Variants in LMX1A observed in about 807,000 individuals in gnomAD.
The protein encoded by LMX1A is LIM homeobox transcription factor 1 alpha.
In LMX1A, 15 loss-of-function variants were observed where a neutral mutation model predicts 49.1. That is an observed-to-expected ratio of 0.31 (90% CI 0.20 to 0.47). The LOEUF is 0.47. Ranked by LOEUF, LMX1A falls within the 20% of genes least tolerant of loss-of-function variation. The probability of loss-of-function intolerance (pLI) is 1.00; values close to 1 mark genes in which losing one functional copy is unlikely to be tolerated. For synonymous variants in LMX1A, 167 were observed against 185.7 expected, an observed-to-expected ratio of 0.90 and a Z score of 0.82; for missense variants, 372 against 475.8, an observed-to-expected ratio of 0.78 and a Z score of 2.03.
At chr1:165,215,692 T>C (rs1213627691) in intron 4 of LMX1A, among the ~76,000 whole-genome samples, 1 of 152,192 alleles carries the variant, frequency 6.6e-6, no homozygotes, top group Non-Finnish European at 1.5e-5. Flanking sequence ...CATTTGAACA[T>C]ACAAGGTTGA....
At chr1:165,340,994 G>T (rs567482808) in intron 3 of LMX1A, among the ~76,000 whole-genome samples, 2 of 152,200 alleles carry the variant, frequency 1.3e-5, no homozygotes, top group East Asian at 3.9e-4. Flanking sequence ...CTAGACTATA[G>T]CAACAACTAT....
chr1:165,214,140 A>T (rs927248105), intron 4 of LMX1A, among the ~76,000 whole-genome samples: 1 of 152,162 alleles, frequency 6.6e-6, no homozygotes, highest in Non-Finnish European at 1.5e-5. Context: ...CCACGTGTTG[A>T]TGGAGGGACA....
intron 3 of LMX1A, among the ~76,000 whole-genome samples, chr1:165,339,511 G>C (rs1184887299): frequency 1.3e-5 from 2 of 152,196 alleles, no homozygotes; most frequent in Non-Finnish European, 2.9e-5. Flanking sequence ...GGTGAGCTTC[G>C]CATTGAGATG....
chr1:165,311,486 C>T (rs193112050), intron 3 of LMX1A, among the ~76,000 whole-genome samples: 4 of 152,300 alleles, frequency 2.6e-5, no homozygotes, highest in East Asian at 1.9e-4. Context: ...CTGCAGCTGT[C>T]GGCTGTGGAG....
chr1:165,313,035 T>C (rs1025776328), intron 3 of LMX1A, among the ~76,000 whole-genome samples: 2 of 152,164 alleles, frequency 1.3e-5, no homozygotes, highest in Non-Finnish European at 2.9e-5. Flanking sequence ...CCTGAAGAAG[T>C]GGCATTCTTG....
At chr1:165,349,617 GC>G (rs1656356434) in intron 3 of LMX1A, among the ~76,000 whole-genome samples, 1 of 143,942 alleles carries the variant, frequency 6.9e-6, no homozygotes, top group African/African-American at 2.7e-5. Context: ...CACCTTAAAT[GC>G]TTTTTTTTTG....
In LMX1A at chr1:165,279,163, T is replaced by A. The variant is rs115991112; in HGVS notation, c.264-29523A>T. Among the ~76,000 whole-genome samples the A allele has an allele frequency of 3.9e-5, 6 of 152,368 alleles. No homozygotes were observed. The East Asian group carries it at 1.2e-3, about 29-fold the overall frequency. ...GAATTAGGAGCCTTTTCACTTTGGA[T>A]TGCAAACTTACAAAACCTGTCCAAT... On this transcript the variant is annotated intron_variant, in intron 3 of 8. Transcript: ENST00000342310.
At chr1:165,242,496 A>G (rs1652690791) in intron 4 of LMX1A, among the ~76,000 whole-genome samples, 1 of 151,814 alleles carries the variant, frequency 6.6e-6, no homozygotes, top group African/African-American at 2.4e-5. Context: ...GGATCCCATG[A>G]TAAAAGACAC....
rs530312980 is a variant in LMX1A at position 165,263,073 on chromosome 1, A to G, written c.264-13433T>C. On this transcript the variant is annotated intron_variant, in intron 3 of 8. Coordinates refer to ENST00000342310, the MANE Select transcript of LMX1A (RefSeq NM_177398.4). ...CACTCCTGCTTTGTTCTTCCTTACCAATTTCTCCTCATCTCCCTGACCATG... is the reference window on the plus strand; with the variant it reads ...CACTCCTGCTTTGTTCTTCCTTACCGATTTCTCCTCATCTCCCTGACCATG... Among the ~76,000 whole-genome samples, 32 of 152,162 alleles carry G rather than the reference A, an allele frequency of 2.1e-4. No individual in the cohort carries two copies. In the South Asian group the frequency reaches 6.6e-3, roughly 32 times the overall value.
At chr1:165,313,261 T>C (rs936762480) in intron 3 of LMX1A, among the ~76,000 whole-genome samples, 3 of 152,138 alleles carry the variant, frequency 2.0e-5, no homozygotes, top group Non-Finnish European at 4.4e-5. Flanking sequence ...AGCAGATGAT[T>C]AAACCAAGAA....
intron 3 of LMX1A, among the ~76,000 whole-genome samples, chr1:165,272,443 G>A (rs1653824532): frequency 6.6e-6 from 1 of 152,166 alleles, no homozygotes; most frequent in South Asian, 2.1e-4. Flanking sequence ...ACCAAGTGGT[G>A]GAAGAGACCC....
chr1:165,339,011 C>T (rs1655983922), intron 3 of LMX1A, among the ~76,000 whole-genome samples: 1 of 152,226 alleles, frequency 6.6e-6, no homozygotes, highest in African/African-American at 2.4e-5. Flanking sequence ...GAGCATGTTC[C>T]ACACCTCAGA....
At chr1:165,347,195 G>T (rs1442382783) in intron 3 of LMX1A, among the ~76,000 whole-genome samples, 1 of 151,966 alleles carries the variant, frequency 6.6e-6, no homozygotes, top group Non-Finnish European at 1.5e-5. Context: ...GGCACAAAGG[G>T]GAAAAAAGGC....
intron 2 of LMX1A, among the ~76,000 whole-genome samples, chr1:165,354,526 G>T (rs967954571): frequency 6.6e-6 from 1 of 152,106 alleles, no homozygotes; most frequent in African/African-American, 2.4e-5. Context: ...AAGTCCAAAA[G>T]TTCCCGAAAG....
chr1:165,278,242 T>C lies in LMX1A; in HGVS notation c.264-28602A>G, dbSNP rs80023071. Among the ~76,000 whole-genome samples the C allele has an allele frequency of 8.2e-3, 1,245 of 152,330 alleles. 14 individuals are homozygous for C. Among genetic ancestry groups the C allele is most frequent in the Non-Finnish European group, 0.012 (836 of 68,018 alleles). The stretch of plus-strand genomic sequence containing the variant: ...TACTTCATATTCTCACAGAGGTCCA[T>C]GACCTCACAAACTCAAACTGTCATG... On this transcript the variant is annotated intron_variant, in intron 3 of 8. Transcript: ENST00000342310.
At chr1:165,302,583 G>A (rs577028392) in intron 3 of LMX1A, among the ~76,000 whole-genome samples, 5 of 152,230 alleles carry the variant, frequency 3.3e-5, no homozygotes, top group South Asian at 4.2e-4. Flanking sequence ...TTGCAATGAC[G>A]ATCCATGTCC....
Position 165,355,536 on chromosome 1 carries a change from C to T in LMX1A, c.24G>A (p.Glu8=). The change falls in exon 2 of 9, where the codon GAG becomes GAA. Residue 8 remains glutamate, a synonymous_variant. Transcript: ENST00000342310. This position sits in a 1 kb window ranked among gnomAD's most constrained non-coding sequence, Gnocchi z 4.7. Reference sequence around the variant, plus strand: ...TGTCGATCGCGCTTTGGAAGTTCTCCTCCATCTTTAGGCCGTCCAGCATGT... The same window carrying T: ...TGTCGATCGCGCTTTGGAAGTTCTCTTCCATCTTTAGGCCGTCCAGCATGT... MLDGLKM[E]ENFQSAIDTS... is the part of the protein sequence containing the mutation. 1 of 1,613,918 alleles carries T rather than the reference C, an allele frequency of 6.2e-7. No homozygotes were observed. The highest frequency in any genetic ancestry group is 1.3e-5 in the African/African-American group (1 of 74,978).
At chr1:165,308,805 A>C (rs1430451760) in intron 3 of LMX1A, among the ~76,000 whole-genome samples, 1 of 152,118 alleles carries the variant, frequency 6.6e-6, no homozygotes, top group Non-Finnish European at 1.5e-5. Flanking sequence ...GTGCCAGTGC[A>C]TCCACTCCCA....
At chr1:165,326,449 A>G (rs1238664848) in intron 3 of LMX1A, among the ~76,000 whole-genome samples, 2 of 152,198 alleles carry the variant, frequency 1.3e-5, no homozygotes, top group Non-Finnish European at 2.9e-5. Context: ...GGAGGAATCA[A>G]TGGAGACGGA....
Sources: allele counts gnomAD v4.1 joint callset (sites outside exome capture counted in the v4.1 genomes callset), GRCh38; gene constraint gnomAD v4.1.1; non-coding constraint Gnocchi (gnomAD v3.1); transcripts MANE v1.5; gene names NCBI Gene and HGNC (gene_info 2026-07-23, HGNC 2026-07-21).